GALNT17: variants seen among roughly 807,000 people sequenced by gnomAD.
The protein encoded by GALNT17 is polypeptide N-acetylgalactosaminyltransferase 17, also known as UDP-GalNAc:polypeptide N-acetylgalactosaminyltransferase-like 3.
GALNT17 carries 29 observed loss-of-function variants against 63.7 expected under a neutral mutation model. The ratio of observed to expected loss-of-function variants is 0.46; its 90% CI spans 0.34 to 0.62. The LOEUF is 0.62. GALNT17 is among the 20% of genes least tolerant of loss of function. The pLI is 0.01. For missense variants in GALNT17, 603 were observed against 799.6 expected, an observed-to-expected ratio of 0.75 and a Z score of 2.97; for synonymous variants, 305 against 318.3, an observed-to-expected ratio of 0.96 and a Z score of 0.45.
intron 1 of GALNT17, among the ~76,000 whole-genome samples, chr7:71,135,412 AC>A (rs983860617): frequency 2.4e-4 from 36 of 152,290 alleles, no homozygotes; most frequent in African/African-American, 8.7e-4. Context: ...ACATACATGA[AC>A]CCACTGAATC....
chr7:71,518,294 T>A (rs1400162352), intron 5 of GALNT17, among the ~76,000 whole-genome samples: 1 of 152,236 alleles, frequency 6.6e-6, no homozygotes, highest in Non-Finnish European at 1.5e-5. Flanking sequence ...TCTGTACATT[T>A]CCTGTTTCCC....
At chr7:71,393,333 T>A (rs1487472861) in intron 3 of GALNT17, among the ~76,000 whole-genome samples, 1 of 152,166 alleles carries the variant, frequency 6.6e-6, no homozygotes, top group African/African-American at 2.4e-5. Flanking sequence ...TGTTTTCTGA[T>A]CTTAAAAGTA....
chr7:71,693,263 T>TACAC (rs761584365), intron 9 of GALNT17, among the ~76,000 whole-genome samples: 31 of 108,882 alleles, frequency 2.8e-4, no homozygotes, highest in African/African-American at 1.0e-3. Context: ...CACACACACA[T>TACAC]ACACACACAC....
At position 71,552,268 on chromosome 7, in the gene GALNT17, C is replaced by T. The variant is rs553031805; in HGVS notation, c.963-19017C>T. ...CCATGTTGGCCAGGCTGGTCTTGAA[C>T]TCCTGGCCTCAAACAATCCACCCAC... is the stretch of plus-strand genomic sequence containing the variant. On this transcript the variant is annotated intron_variant, in intron 5 of 10. Coordinates refer to ENST00000333538, the MANE Select transcript of GALNT17 (RefSeq NM_022479.3). 8.2e-4 allele frequency among the ~76,000 whole-genome samples: 124 copies of T among 152,098 alleles called. 1 individual carries two copies. The South Asian group carries it at 0.025, about 31-fold the overall frequency.
intron 5 of GALNT17, among the ~76,000 whole-genome samples, chr7:71,539,659 A>C (rs184819747): frequency 6.7e-6 from 1 of 149,434 alleles, no homozygotes; most frequent in Non-Finnish European, 1.5e-5. Context: ...CACTAAATGC[A>C]TCAGAGACAC....
rs191566245 is a variant in GALNT17, at chr7:71,307,868, G to T, written c.239-27682G>T. 5.7e-4 allele frequency: 87 copies of T among 152,282 alleles called. 1 individual carries two copies. Among genetic ancestry groups the T allele is most frequent in the Non-Finnish European group, 1.5e-4 (10 of 68,128 alleles). The allele number at this position is 152,282 out of a possible 1,614,324, so 9.4% of individuals were successfully genotyped here. ...TTCTTTTCATTTGTGCATTTCTCTG[G>T]CTCTGGGAGATTGTAAAGGTTACTT... On this transcript the variant is annotated intron_variant, in intron 1 of 10. Transcript: ENST00000333538.
intron 6 of GALNT17, among the ~76,000 whole-genome samples, chr7:71,635,823 A>G (rs1790521958): frequency 6.6e-6 from 1 of 152,222 alleles, no homozygotes; most frequent in Non-Finnish European, 1.5e-5. Flanking sequence ...TGACGTTGCC[A>G]TGGCATTTGT....
intron 5 of GALNT17, among the ~76,000 whole-genome samples, chr7:71,488,293 A>G (rs2116664395): frequency 6.6e-6 from 1 of 152,220 alleles, no homozygotes; most frequent in African/African-American, 2.4e-5. Context: ...TGGGCAGGCA[A>G]GCTAATGAGG....
At chr7:71,561,548 G>A (rs1054607735) in intron 5 of GALNT17, among the ~76,000 whole-genome samples, 1 of 152,152 alleles carries the variant, frequency 6.6e-6, no homozygotes, top group African/African-American at 2.4e-5. Flanking sequence ...TGAGTCTGAG[G>A]TCAGAGAAAA....
At chr7:71,595,563 G>A (rs1177506715) in intron 6 of GALNT17, among the ~76,000 whole-genome samples, 1 of 151,962 alleles carries the variant, frequency 6.6e-6, no homozygotes, top group African/African-American at 2.4e-5. Flanking sequence ...TGTATCTACA[G>A]TTCCTCTCCT....
At chr7:71,602,366 G>A (rs1789978755) in intron 6 of GALNT17, among the ~76,000 whole-genome samples, 1 of 152,124 alleles carries the variant, frequency 6.6e-6, no homozygotes, top group African/African-American at 2.4e-5. Context: ...GCAGCTCCCA[G>A]CTCCCAGCAC....
At chr7:71,268,262 C>G (rs1399264953) in intron 1 of GALNT17, among the ~76,000 whole-genome samples, 1 of 152,032 alleles carries the variant, frequency 6.6e-6, no homozygotes, top group African/African-American at 2.4e-5. Context: ...GGGATGCTGG[C>G]TAGGCATGGT....
At chr7:71,353,170 A>G (rs1262478861) in intron 2 of GALNT17, among the ~76,000 whole-genome samples, 1 of 152,162 alleles carries the variant, frequency 6.6e-6, no homozygotes, top group Non-Finnish European at 1.5e-5. Context: ...GAGTTACAGA[A>G]AAGTTGCAAG....
intron 5 of GALNT17, among the ~76,000 whole-genome samples, chr7:71,532,762 T>A (rs1279418221): frequency 1.3e-5 from 2 of 152,162 alleles, no homozygotes; most frequent in Non-Finnish European, 1.5e-5. Context: ...CAAATCCTTC[T>A]ACTCTCATGT....
At chr7:71,562,942 C>T (rs1789279492) in intron 5 of GALNT17, among the ~76,000 whole-genome samples, 1 of 152,088 alleles carries the variant, frequency 6.6e-6, no homozygotes, top group Non-Finnish European at 1.5e-5. Context: ...AAGATGAGTC[C>T]TTTTTCACCT....
chr7:71,254,547 ATC>A (rs1195596417), intron 1 of GALNT17, among the ~76,000 whole-genome samples: 1 of 152,042 alleles, frequency 6.6e-6, no homozygotes, highest in African/African-American at 2.4e-5. Context: ...CAGTCTTCAG[ATC>A]TCTGTTTTAC....
chr7:71,366,970 A>G (rs1306897360), intron 2 of GALNT17, among the ~76,000 whole-genome samples: 1 of 152,100 alleles, frequency 6.6e-6, no homozygotes, highest in African/African-American at 2.4e-5. Context: ...TTGATTTCTG[A>G]GAGACATTTG....
intron 5 of GALNT17, among the ~76,000 whole-genome samples, chr7:71,508,151 C>G (rs551730573): frequency 6.6e-6 from 1 of 152,280 alleles, no homozygotes; most frequent in Admixed American, 6.5e-5. Context: ...GTGAACCTCT[C>G]CTTTCCTCTG....
intron 6 of GALNT17, among the ~76,000 whole-genome samples, chr7:71,648,637 A>G (rs111268836): frequency 2.6e-5 from 4 of 151,998 alleles, no homozygotes; most frequent in African/African-American, 9.7e-5. Context: ...GGATCTTGCT[A>G]TGTTGCCCAG....
Sources: allele counts gnomAD v4.1 joint callset (sites outside exome capture counted in the v4.1 genomes callset), GRCh38; gene constraint gnomAD v4.1.1; transcripts MANE v1.5; gene names NCBI Gene and HGNC (gene_info 2026-07-23, HGNC 2026-07-21).